GLRX3: variants seen among roughly 807,000 people sequenced by gnomAD.
GLRX3 encodes glutaredoxin-3.
A neutral mutation model predicts 49.5 loss-of-function variants in GLRX3; 22 were observed. The ratio of observed to expected loss-of-function variants is 0.44; its 90% CI spans 0.32 to 0.63. GLRX3 has a LOEUF of 0.63. Ranked by LOEUF, GLRX3 falls within the 30% of genes least tolerant of loss-of-function variation. The pLI, the probability that GLRX3 is intolerant of heterozygous loss-of-function variation, is 0.05. For missense variants in GLRX3, 385 were observed against 396.3 expected (o/e 0.97, Z 0.24); for synonymous variants, 133 against 140.0 (o/e 0.95, Z 0.35).
chr10:130,156,606 A>G (rs1418932769), intron 2 of GLRX3, among the ~76,000 whole-genome samples: 1 of 152,144 alleles, frequency 6.6e-6, no homozygotes, highest in African/African-American at 2.4e-5. Flanking sequence ...CTATACGTGA[A>G]GCACACTTAG....
chr10:130,161,517 T>C (rs1862576180), intron 4 of GLRX3, among the ~76,000 whole-genome samples: 1 of 152,240 alleles, frequency 6.6e-6, no homozygotes, highest in Non-Finnish European at 1.5e-5. Flanking sequence ...ATGATTCTCT[T>C]CCTGCATTGC....
chr10:130,166,194 C>CA (rs35591938), intron 4 of GLRX3, among the ~76,000 whole-genome samples: 29,449 of 151,044 alleles, frequency 0.19, 3,035 homozygotes, highest in Non-Finnish European at 0.23. Context: ...TCTCCTGTGA[C>CA]AAAAAATGTC....
intron 2 of GLRX3, among the ~76,000 whole-genome samples, chr10:130,158,959 T>C (rs1158950301): frequency 2.6e-5 from 4 of 152,170 alleles, no homozygotes; most frequent in Non-Finnish European, 5.9e-5. Flanking sequence ...TACATAGTAC[T>C]CTGCTTCCCA....
chr10:130,154,489 C>T (rs1862437647), intron 2 of GLRX3, among the ~76,000 whole-genome samples: 1 of 152,102 alleles, frequency 6.6e-6, no homozygotes, highest in Admixed American at 6.5e-5. Flanking sequence ...CCTAAACTAT[C>T]AAAACTGTTA....
At chr10:130,159,954 G>A (rs762839695) in intron 2 of GLRX3, 41 bp from the exon 3 acceptor site, 16 of 1,368,976 alleles carry the variant, frequency 1.2e-5, no homozygotes, top group Non-Finnish European at 1.6e-5. Context: ...TAGTGAAAAA[G>A]GACCTTGTAA....
At position 130,169,483 on chromosome 10, in the gene GLRX3, A is replaced by C; in HGVS notation, c.764A>C (p.Asn255Thr). 6.2e-7 allele frequency: 1 copy of C among 1,601,598 alleles called. No homozygotes were observed. Among genetic ancestry groups the C allele is most frequent in the Non-Finnish European group, 8.6e-7 (1 of 1,168,556 alleles). ...TCTGTGATGCTCTTTATGAAAGGAA[A>C]CAAACAGGTAAAGAACTCAAAAATG... ...KASVMLFMKG[N>T]KQEAKCGFSK... The change falls in exon 7 of 11, where the codon AAC (asparagine) becomes ACC (threonine). Residue 255 changes from asparagine to threonine, a missense_variant. Around this residue, in one of 2 missense-constraint regions of GLRX3, gnomAD observed 374 missense variants for 358.6 expected, o/e 1.04. Transcript: ENST00000331244.
At chr10:130,139,457 G>A (rs1862131428) in intron 1 of GLRX3, among the ~76,000 whole-genome samples, 3 of 151,618 alleles carry the variant, frequency 2.0e-5, no homozygotes. Flanking sequence ...GGCTAACACG[G>A]TGAAACCCCG....
chr10:130,136,576 G>A, intron 1 of GLRX3, 64 bp downstream of exon 1: 2 of 1,241,160 alleles, frequency 1.6e-6, no homozygotes, highest in Non-Finnish European at 2.0e-6. Context: ...AGACCGGGCC[G>A]GTGTGGGGCG....
chr10:130,153,203 T>A lies in GLRX3; in HGVS notation c.202-6792T>A, dbSNP rs111323256. On this transcript the variant is annotated intron_variant, in intron 2 of 10. Transcript: ENST00000331244. ...TTGATTAGTTAGCCACTTGTCTAAC[T>A]TTTTTCAAGGTTTTTAGCTTCCTTG... Among the ~76,000 whole-genome samples the A allele has an allele frequency of 4.9e-3, 748 of 152,288 alleles. 8 individuals are homozygous for A. Among genetic ancestry groups the A allele is most frequent in the African/African-American group, 0.018 (731 of 41,556 alleles).
intron 2 of GLRX3, among the ~76,000 whole-genome samples, chr10:130,154,113 G>C (rs1431882262): frequency 1.3e-5 from 2 of 152,196 alleles, no homozygotes; most frequent in East Asian, 1.9e-4. Flanking sequence ...AGCGAGCAAG[G>C]CTCCATGGGT....
In GLRX3 at chr10:130,175,097, C is replaced by A; in HGVS notation, c.957+8C>A. On this transcript the variant is annotated splice_region_variant and intron_variant, in intron 10 of 10. Transcript: ENST00000331244. ...GGATTGGATATTGTGAAGGTAAGGC[C>A]AGTTCTTCTGCTGTTCTAAAGAACG... The A allele has an allele frequency of 7.1e-7, 1 of 1,403,508 alleles. No homozygotes were observed. The highest frequency in any genetic ancestry group is 1.1e-5 in the South Asian group (1 of 86,984). 86.9% of individuals were successfully genotyped at this position (1,403,508 alleles called of 1,614,324 possible).
At chr10:130,176,486 G>A (rs1237829784) in intron 10 of GLRX3, among the ~76,000 whole-genome samples, 1 of 152,176 alleles carries the variant, frequency 6.6e-6, no homozygotes, top group Non-Finnish European at 1.5e-5. Flanking sequence ...AATGACATCA[G>A]CACTTTGGAC....
intron 10 of GLRX3, among the ~76,000 whole-genome samples, chr10:130,176,151 C>T (rs868780049): frequency 2.1e-5 from 3 of 143,680 alleles, no homozygotes; most frequent in African/African-American, 7.8e-5. Flanking sequence ...GAGAGAGTTT[C>T]GCTCTTGTTC....
At chr10:130,174,713 C>A (rs1862880112) in intron 8 of GLRX3, among the ~76,000 whole-genome samples, 154 bp from the exon 9 acceptor site, 1 of 152,200 alleles carries the variant, frequency 6.6e-6, no homozygotes, top group African/African-American at 2.4e-5. Flanking sequence ...TAGTACCAGA[C>A]AGATTAAGAA....
intron 8 of GLRX3, among the ~76,000 whole-genome samples, chr10:130,173,409 C>T (rs1862852615): frequency 6.6e-6 from 1 of 152,200 alleles, no homozygotes; most frequent in Non-Finnish European, 1.5e-5. Context: ...ACCTCAGCTT[C>T]GCTTAACACG....
chr10:130,159,690 C>A, intron 2 of GLRX3: 1 of 415,416 alleles, frequency 2.4e-6, no homozygotes, highest in Non-Finnish European at 3.7e-6. Context: ...ATAGTAGTAG[C>A]TGCATATGAT....
rs1862671382 is a variant in GLRX3 at position 130,165,742 on chromosome 10, TA to T, written c.479-761del. 2.0e-5 allele frequency among the ~76,000 whole-genome samples: 3 copies of T among 152,320 alleles called. No homozygotes were observed. The South Asian group carries it at 6.2e-4, about 32-fold the overall frequency. ...ACTGAAGTGGGAACTCAGGAAGTAGTAAAATGGCAGTAGAAATGCAACAGCA... is the reference window on the plus strand; with the variant it reads ...ACTGAAGTGGGAACTCAGGAAGTAGTAAATGGCAGTAGAAATGCAACAGCA... On this transcript the variant is annotated intron_variant, in intron 4 of 10. Coordinates refer to ENST00000331244, the MANE Select transcript of GLRX3 (RefSeq NM_006541.5).
At chr10:130,154,144 C>T (rs1299310672) in intron 2 of GLRX3, among the ~76,000 whole-genome samples, 5 of 152,332 alleles carry the variant, frequency 3.3e-5, no homozygotes, top group African/African-American at 9.6e-5. Flanking sequence ...CCGAGCCAGG[C>T]ACGGGAGGGA....
chr10:130,136,443 C>T lies in GLRX3; in HGVS notation c.23C>T (p.Ala8Val). 2 of 1,260,660 alleles carry T rather than the reference C, an allele frequency of 1.6e-6. No individual in the cohort carries two copies. The highest frequency in any genetic ancestry group is 2.0e-6 in the Non-Finnish European group (2 of 996,970). 78.1% of individuals were successfully genotyped at this position (1,260,660 alleles called of 1,614,324 possible). The change falls in exon 1 of 11, where the codon GCA becomes GTA. Residue 8 changes from alanine (A) to valine (V), a missense_variant. Physicochemically the swap from Ala to Val is moderately conservative, Grantham distance 64. Coordinates refer to ENST00000331244, the MANE Select transcript of GLRX3 (RefSeq NM_006541.5). MAAGAAE[A>V]AVAAVEEVGS... is the part of the protein sequence containing the mutation. ...AGCATGGCGGCGGGGGCGGCTGAGGCAGCTGTAGCGGCCGTGGAGGAGGTC... is the reference window on the plus strand; with the variant it reads ...AGCATGGCGGCGGGGGCGGCTGAGGTAGCTGTAGCGGCCGTGGAGGAGGTC...
Sources: gnomAD v4.1 joint callset for allele counts (sites outside exome capture counted in the v4.1 genomes callset) on GRCh38, gnomAD v4.1.1 for gene constraint, gnomAD v4.1.1 regional missense constraint, MANE v1.5 for transcripts, NCBI Gene and HGNC (gene_info 2026-07-23, HGNC 2026-07-21) for gene names.